Variants in CEP57L1 observed in about 807,000 individuals in gnomAD.
CEP57L1 encodes the protein centrosomal protein CEP57L1.
A neutral mutation model predicts 61.0 loss-of-function variants in CEP57L1; 37 were observed. That is an observed-to-expected ratio of 0.61 (90% CI 0.47 to 0.80). CEP57L1 has a LOEUF of 0.80. Ranked by LOEUF, CEP57L1 falls within the 30% of genes least tolerant of loss-of-function variation. CEP57L1 has a pLI of 0.00. For missense variants in CEP57L1, 422 were observed against 524.7 expected (o/e 0.80, Z 1.91); for synonymous variants, 137 against 162.3 (o/e 0.84, Z 1.19).
chr6:109,155,259 T>C lies in CEP57L1; in HGVS notation c.609T>C (p.Leu203=), dbSNP rs757951046. The C allele has an allele frequency of 6.3e-7, 1 of 1,596,192 alleles. No homozygotes were observed. The highest frequency in any genetic ancestry group is 1.1e-5 in the South Asian group (1 of 87,816). The change falls in exon 6 of 11, where the codon CTT becomes CTC. Residue 203 remains leucine (L), a synonymous_variant. Transcript: ENST00000517392. ...EDKIKHLEEK[L]KEEEHQRKLF... ...AGATTAAACATTTAGAAGAAAAACT[T>C]AAGGAAGAAGAACATCAGCGTAAGC...
intron 1 of CEP57L1, among the ~76,000 whole-genome samples, chr6:109,108,967 G>A (rs746074208): frequency 2.5e-4 from 38 of 152,252 alleles, no homozygotes; most frequent in Non-Finnish European, 4.3e-4. Flanking sequence ...ATACACAAAT[G>A]CTAGAATTCG....
rs1186750240 is a variant in CEP57L1 at position 109,168,981 on chromosome 6, T to C, written c.*6011T>C. On this transcript the variant is annotated 3_prime_UTR_variant, in exon 11 of 11. Transcript: ENST00000517392. Reference sequence around the variant, plus strand: ...GCTCACGCCTGTAAAATCTTAACACTTTAGGAGGCCGAGGCGGGCAGATTG... The same window carrying C: ...GCTCACGCCTGTAAAATCTTAACACCTTAGGAGGCCGAGGCGGGCAGATTG... Among the ~76,000 whole-genome samples the C allele has an allele frequency of 1.3e-5, 2 of 151,346 alleles. No homozygotes were observed. The highest frequency in any genetic ancestry group is 2.4e-5 in the African/African-American group (1 of 41,258).
chr6:109,152,937 C>T (rs187638410), intron 4 of CEP57L1, among the ~76,000 whole-genome samples: 9 of 151,894 alleles, frequency 5.9e-5, no homozygotes, highest in Non-Finnish European at 1.3e-4. Flanking sequence ...GGTGAAACCA[C>T]GTCTCTACTA....
chr6:109,169,747 C>T lies in CEP57L1; in HGVS notation c.*6777C>T, dbSNP rs1774316462. Among the ~76,000 whole-genome samples the T allele has an allele frequency of 6.6e-6, 1 of 152,158 alleles. No homozygotes were observed. On this transcript the variant is annotated 3_prime_UTR_variant, in exon 11 of 11. Transcript: ENST00000517392. ...TCTGTAGGTGCTTCAGACAGTTTTA[C>T]AACCAATAAGAATGTGAGATTTGTC...
At chr6:109,159,764 A>G (rs571946453) in intron 9 of CEP57L1, among the ~76,000 whole-genome samples, 6 of 152,162 alleles carry the variant, frequency 3.9e-5, no homozygotes, top group African/African-American at 7.2e-5. Flanking sequence ...TAAAATTTCA[A>G]TTCTTTATAG....
chr6:109,162,478 G>A (rs1773803803), intron 10 of CEP57L1, among the ~76,000 whole-genome samples: 1 of 151,980 alleles, frequency 6.6e-6, no homozygotes, highest in African/African-American at 2.4e-5. Context: ...CTGGCTCAGA[G>A]TATTCTCTAG....
At chr6:109,148,324 T>C (rs1228482454) in intron 3 of CEP57L1, among the ~76,000 whole-genome samples, 1 of 151,936 alleles carries the variant, frequency 6.6e-6, no homozygotes, top group African/African-American at 2.4e-5. Context: ...TGTGTCCATG[T>C]GTTCTCATTG....
At chr6:109,148,379 T>C (rs1291666605) in intron 3 of CEP57L1, among the ~76,000 whole-genome samples, 1 of 152,148 alleles carries the variant, frequency 6.6e-6, no homozygotes, top group Non-Finnish European at 1.5e-5. Flanking sequence ...TTTGGTTTTT[T>C]GTCCTTGCGA....
At chr6:109,112,392 C>T (rs926914512) in intron 1 of CEP57L1, among the ~76,000 whole-genome samples, 6 of 151,878 alleles carry the variant, frequency 4.0e-5, no homozygotes, top group African/African-American at 9.7e-5. Flanking sequence ...TTTTTTATTG[C>T]GTCTATTTGA....
intron 1 of CEP57L1, among the ~76,000 whole-genome samples, chr6:109,106,801 A>G (rs948090748): frequency 6.6e-6 from 1 of 152,068 alleles, no homozygotes; most frequent in Non-Finnish European, 1.5e-5. Flanking sequence ...TTAGCATGGC[A>G]TGATGGCACA....
intron 1 of CEP57L1, among the ~76,000 whole-genome samples, chr6:109,103,125 T>C (rs1337327278): frequency 6.6e-6 from 1 of 152,332 alleles, no homozygotes. Context: ...CCACAATAGT[T>C]TGACCCTTCT....
rs1774321121 is a variant in CEP57L1 at position 109,169,843 on chromosome 6, C to T, written c.*6873C>T. Among the ~76,000 whole-genome samples, 1 of 152,168 alleles carries T rather than the reference C, an allele frequency of 6.6e-6. No individual in the cohort carries two copies. The highest frequency in any genetic ancestry group is 6.5e-5 in the Admixed American group (1 of 15,280). ...CTGTTATTTGACAAACCCTATTTTT[C>T]CGAGCATCAACAGTCAGTGGCACCA... On this transcript the variant is annotated 3_prime_UTR_variant, in exon 11 of 11. Coordinates refer to ENST00000517392, the MANE Select transcript of CEP57L1 (RefSeq NM_001271852.3).
In CEP57L1 at chr6:109,169,111, G is replaced by A. The variant is rs558926651; in HGVS notation, c.*6141G>A. Among the ~76,000 whole-genome samples the A allele has an allele frequency of 1.3e-5, 2 of 151,102 alleles. No individual in the cohort carries two copies. The highest frequency in any genetic ancestry group is 2.0e-4 in the East Asian group (1 of 5,060). On this transcript the variant is annotated 3_prime_UTR_variant, in exon 11 of 11. Transcript: ENST00000517392. ...CATGGTGGTATGTGCCTGTAATCCC[G>A]GGTACTCGGGAGGCTAAGGCCAGAG...
chr6:109,158,883 G>A (rs961213387), intron 7 of CEP57L1, 142 bp from the exon 8 acceptor site: 31 of 719,390 alleles, frequency 4.3e-5, no homozygotes, highest in Non-Finnish European at 6.8e-5. Flanking sequence ...TCATACGTAT[G>A]TCTATGTCAG....
chr6:109,143,081 G>A (rs75307211), intron 1 of CEP57L1, among the ~76,000 whole-genome samples: 20,630 of 150,108 alleles, frequency 0.14, 1,661 homozygotes, highest in Middle Eastern at 0.22. Context: ...CCATTGTCAT[G>A]TAACATCTTA....
intron 1 of CEP57L1, among the ~76,000 whole-genome samples, chr6:109,142,079 G>A (rs1409031820): frequency 2.0e-5 from 3 of 152,122 alleles, no homozygotes; most frequent in African/African-American, 4.8e-5. Context: ...CTTTTTAGGG[G>A]GATAGTTTTT....
At chr6:109,098,293 A>T (rs572786219) in intron 1 of CEP57L1, among the ~76,000 whole-genome samples, 1 of 152,138 alleles carries the variant, frequency 6.6e-6, no homozygotes, top group Non-Finnish European at 1.5e-5. Context: ...GATTACAGGC[A>T]TGCACCACCA....
intron 6 of CEP57L1, 132 bp from the exon 7 acceptor site, chr6:109,155,659 G>T: frequency 1.7e-6 from 1 of 600,188 alleles, no homozygotes; most frequent in Non-Finnish European, 2.9e-6. Flanking sequence ...GTACAAAAAC[G>T]GTATCTTGGA....
At position 109,110,534 on chromosome 6, in the gene CEP57L1, T is replaced by A. The variant is rs139201593; in HGVS notation, c.-4+14959T>A. ...GCAGAAGCTCTTTAGTTTAATCAGA[T>A]CCAATTCGTCAATTTTTGGCTTTTG... On this transcript the variant is annotated intron_variant, in intron 1 of 10. Coordinates refer to ENST00000517392, the MANE Select transcript of CEP57L1 (RefSeq NM_001271852.3). Among the ~76,000 whole-genome samples, 1,304 of 152,338 alleles carry A rather than the reference T, an allele frequency of 8.6e-3. 23 individuals carry two copies. The highest frequency in any genetic ancestry group is 0.03 in the African/African-American group (1,236 of 41,562).
Sources: gnomAD v4.1 joint callset for allele counts (sites outside exome capture counted in the v4.1 genomes callset) on GRCh38, gnomAD v4.1.1 for gene constraint, MANE v1.5 for transcripts, NCBI Gene and HGNC (gene_info 2026-07-23, HGNC 2026-07-21) for gene names.